Variants in BCAS1 observed in about 807,000 individuals in gnomAD.
The protein encoded by BCAS1 is breast carcinoma-amplified sequence 1.
In BCAS1, 46 loss-of-function variants were observed where a neutral mutation model predicts 65.4. The observed-to-expected ratio is 0.70, with a 90% CI of 0.55 to 0.90. The LOEUF is 0.90. BCAS1 is among the 40% of genes least tolerant of loss of function. The probability of loss-of-function intolerance (pLI) is 0.00; values close to 1 mark genes in which losing one functional copy is unlikely to be tolerated. For synonymous variants in BCAS1, 298 were observed against 293.5 expected, an observed-to-expected ratio of 1.02 and a Z score of -0.16; for missense variants, 793 against 771.2, an observed-to-expected ratio of 1.03 and a Z score of -0.33.
In BCAS1 at chr20:53,973,820, G is replaced by A. The variant is rs117645699; in HGVS notation, c.1317+1569C>T. Among the ~76,000 whole-genome samples, 1,108 of 152,276 alleles carry A rather than the reference G, an allele frequency of 7.3e-3. 11 individuals are homozygous for A. Among genetic ancestry groups the A allele is most frequent in the South Asian group, 0.041 (200 of 4,822 alleles). ...AGAAAAGAAGGAAGGAAGGAAGGAG[G>A]AAGGAAGGAAGGGCAGTAAAACCAA... On this transcript the variant is annotated intron_variant, in intron 9 of 12. Coordinates refer to ENST00000688948, the MANE Select transcript of BCAS1 (RefSeq NM_001366298.2).
At chr20:53,981,540 T>C (rs1203919741) in intron 8 of BCAS1, among the ~76,000 whole-genome samples, 2 of 128,852 alleles carry the variant, frequency 1.6e-5, no homozygotes, top group Non-Finnish European at 3.4e-5. Context: ...TTTGGCGTTC[T>C]TTTTTTTTTT....
intron 12 of BCAS1, among the ~76,000 whole-genome samples, chr20:53,947,837 C>A (rs1343802170): frequency 1.3e-5 from 2 of 152,182 alleles, no homozygotes; most frequent in African/African-American, 2.4e-5. Flanking sequence ...ACCTTTACAA[C>A]CCAGGGCAGG....
At chr20:54,050,668 T>G (rs1301536411) in intron 3 of BCAS1, among the ~76,000 whole-genome samples, 1 of 152,186 alleles carries the variant, frequency 6.6e-6, no homozygotes, top group Non-Finnish European at 1.5e-5. Context: ...GAGGCCAACG[T>G]GTCATCTCAC....
rs146806249 is a variant in BCAS1 at position 54,028,970 on chromosome 20, C to T, written c.145G>A (p.Asp49Asn). 1.6e-5 allele frequency: 26 copies of T among 1,603,058 alleles called. No individual in the cohort carries two copies. Among genetic ancestry groups the T allele is most frequent in the South Asian group, 4.4e-5 (4 of 90,476 alleles). The change falls in exon 4 of 13, where the codon GAC becomes AAC. Residue 49 changes from aspartate (D) to asparagine (N), a missense_variant and splice_region_variant. Transcript: ENST00000688948. Reference sequence around the variant, plus strand: ...TCCGTCTTGACACTTATTCCCAAGTCGACTGTAAACACAAACATAAACAGT... The same window carrying T: ...TCCGTCTTGACACTTATTCCCAAGTTGACTGTAAACACAAACATAAACAGT... ...THTVQHLEEV[D>N]LGISVKTDNV...
At chr20:53,983,934 C>T (rs894685200) in intron 8 of BCAS1, among the ~76,000 whole-genome samples, 3 of 152,152 alleles carry the variant, frequency 2.0e-5, no homozygotes, top group African/African-American at 2.4e-5. Context: ...ATCTCTTGCA[C>T]GTCAATTCTG....
chr20:53,959,738 G>A (rs2089817428), intron 10 of BCAS1, among the ~76,000 whole-genome samples: 1 of 152,150 alleles, frequency 6.6e-6, no homozygotes, highest in Non-Finnish European at 1.5e-5. Flanking sequence ...GAAGTTCCGT[G>A]TACTGAGGAA....
At chr20:54,037,965 A>G (rs1444557216) in intron 3 of BCAS1, among the ~76,000 whole-genome samples, 1 of 151,416 alleles carries the variant, frequency 6.6e-6, no homozygotes, top group Non-Finnish European at 1.5e-5. Context: ...ATTGATATCT[A>G]TATATTTTTG....
At chr20:54,038,033 C>G (rs2091928424) in intron 3 of BCAS1, among the ~76,000 whole-genome samples, 1 of 151,142 alleles carries the variant, frequency 6.6e-6, no homozygotes, top group Admixed American at 6.6e-5. Context: ...CAAAGAAGGG[C>G]CTCACAAAAT....
intron 3 of BCAS1, among the ~76,000 whole-genome samples, chr20:54,046,458 G>GGCTT (rs2092107551): frequency 6.6e-6 from 1 of 151,098 alleles, no homozygotes; most frequent in African/African-American, 2.4e-5. Flanking sequence ...GAAGCTGGAA[G>GGCTT]GCAGAGGTTG....
At chr20:54,026,425 T>C (rs2091674437) in intron 4 of BCAS1, among the ~76,000 whole-genome samples, 1 of 152,228 alleles carries the variant, frequency 6.6e-6, no homozygotes. Flanking sequence ...TGTCGAGGTT[T>C]TATGGCTGAG....
chr20:53,961,141 T>C lies in BCAS1; in HGVS notation c.1486-3644A>G, dbSNP rs541489374. ...CATGCATTCCTATAGCTTGATACTC[T>C]GAGGAATGTTTGAACCATCTCCAAT... On this transcript the variant is annotated intron_variant, in intron 10 of 12. Coordinates refer to ENST00000688948, the MANE Select transcript of BCAS1 (RefSeq NM_001366298.2). 2.0e-5 allele frequency among the ~76,000 whole-genome samples: 3 copies of C among 152,380 alleles called. No homozygotes were observed. In the South Asian group the frequency reaches 6.2e-4, roughly 32 times the overall value.
At chr20:54,030,490 A>G (rs867307856) in intron 3 of BCAS1, among the ~76,000 whole-genome samples, 7 of 152,356 alleles carry the variant, frequency 4.6e-5, no homozygotes, top group Middle Eastern at 6.8e-3. Context: ...CTCTATCTGT[A>G]GTCAGACACT....
Position 54,046,736 on chromosome 20 carries a change from A to G in BCAS1, c.142+11349T>C, listed in dbSNP as rs182970334. 3.4e-4 allele frequency among the ~76,000 whole-genome samples: 50 copies of G among 147,594 alleles called. No homozygotes were observed. The East Asian group carries it at 0.01, about 30-fold the overall frequency. On this transcript the variant is annotated intron_variant, in intron 3 of 12. Coordinates refer to ENST00000688948, the MANE Select transcript of BCAS1 (RefSeq NM_001366298.2). ...GGCACGTGCCTGTAATCCCAGCTAT[A>G]CAAGAGGCTGAGGCAGGAGAATCAC...
At chr20:54,025,238 A>G (rs1328640646) in intron 4 of BCAS1, among the ~76,000 whole-genome samples, 1 of 152,162 alleles carries the variant, frequency 6.6e-6, no homozygotes, top group South Asian at 2.1e-4. Flanking sequence ...TTTTTAACCA[A>G]TAAAGGTCAA....
Position 53,953,494 on chromosome 20 carries a change from C to G in BCAS1, c.1753G>C (p.Asp585His). ...TVDTNSLQNG[D>H]KLQKRPEKRQ... ...TTCTCAGGTCTCTTTTGGAGCTTGT[C>G]CCCATTCTGCAGTGAGTTCGTGTCC... Residue 585 changes from aspartate to histidine, a missense_variant, in exon 12 of 13, where the codon GAC (aspartate) becomes CAC (histidine). Transcript: ENST00000688948. 6.2e-7 allele frequency: 1 copy of G among 1,614,018 alleles called. No individual in the cohort carries two copies. Among genetic ancestry groups the G allele is most frequent in the African/African-American group, 1.3e-5 (1 of 74,994 alleles).
chr20:54,026,805 T>C (rs1220720577), intron 4 of BCAS1, among the ~76,000 whole-genome samples: 1 of 152,268 alleles, frequency 6.6e-6, no homozygotes, highest in East Asian at 1.9e-4. Flanking sequence ...TGCTGGAATG[T>C]TCCCTGGGCC....
chr20:53,966,881 C>T (rs2145627435), intron 10 of BCAS1, 25 bp downstream of exon 10: 1 of 1,582,294 alleles, frequency 6.3e-7, no homozygotes, highest in Non-Finnish European at 8.6e-7. Flanking sequence ...TCTTAGGTTT[C>T]CTATACTGGA....
At chr20:54,045,094 C>T (rs1256589147) in intron 3 of BCAS1, among the ~76,000 whole-genome samples, 2 of 151,770 alleles carry the variant, frequency 1.3e-5, no homozygotes, top group Admixed American at 1.3e-4. Flanking sequence ...TGCCTGTGAT[C>T]CCAGCTACAC....
intron 3 of BCAS1, among the ~76,000 whole-genome samples, chr20:54,038,011 C>T (rs1008328987): frequency 3.3e-5 from 5 of 151,176 alleles, no homozygotes; most frequent in Non-Finnish European, 5.9e-5. Flanking sequence ...CATTCATTTG[C>T]ATAAAACCAT....
Sources: allele counts gnomAD v4.1 joint callset (sites outside exome capture counted in the v4.1 genomes callset), GRCh38; gene constraint gnomAD v4.1.1; transcripts MANE v1.5; gene names NCBI Gene and HGNC (gene_info 2026-07-23, HGNC 2026-07-21).